Variants in ARFIP1 observed in about 807,000 individuals in gnomAD.
ARFIP1 encodes the protein ARF interacting protein 1.
In ARFIP1, 24 loss-of-function variants were observed where a neutral mutation model predicts 42.5. That is an observed-to-expected ratio of 0.57 (90% CI 0.41 to 0.80). ARFIP1 has a LOEUF of 0.80. ARFIP1 is among the 30% of genes least tolerant of loss of function. The probability of loss-of-function intolerance (pLI) is 0.00; values close to 1 mark genes in which losing one functional copy is unlikely to be tolerated. For missense variants in ARFIP1, 354 were observed against 434.0 expected, an observed-to-expected ratio of 0.82 and a Z score of 1.64; for synonymous variants, 141 against 153.7, an observed-to-expected ratio of 0.92 and a Z score of 0.61.
At chr4:152,870,887 C>G in intron 4 of ARFIP1, 39 bp downstream of exon 4, 5 of 1,486,360 alleles carry the variant, frequency 3.4e-6, no homozygotes, top group Non-Finnish European at 4.7e-6. Context: ...CTTATTGCTA[C>G]TGCTGAAGCT....
intron 1 of ARFIP1, among the ~76,000 whole-genome samples, chr4:152,802,071 T>G (rs1728466829): frequency 6.6e-6 from 1 of 152,176 alleles, no homozygotes; most frequent in Admixed American, 6.5e-5. Context: ...TAACCACTTT[T>G]CAAAGGCCAT....
At chr4:152,837,488 A>T (rs1026134165) in intron 2 of ARFIP1, among the ~76,000 whole-genome samples, 2 of 152,090 alleles carry the variant, frequency 1.3e-5, no homozygotes, top group Non-Finnish European at 2.9e-5. Context: ...GTGAGGTGAT[A>T]TTGCGTTGTG....
intron 8 of ARFIP1, among the ~76,000 whole-genome samples, chr4:152,908,891 A>AGT (rs58362465): frequency 0.068 from 9,053 of 132,408 alleles, 314 homozygotes; most frequent in African/African-American, 0.095. Context: ...GCTAGAGAGA[A>AGT]GTGTGTGTGT....
chr4:152,830,674 G>A (rs1045611654), intron 2 of ARFIP1, among the ~76,000 whole-genome samples: 11 of 152,148 alleles, frequency 7.2e-5, no homozygotes, highest in African/African-American at 2.2e-4. Flanking sequence ...GGGCCAAATT[G>A]TACTTTGTTG....
At chr4:152,784,073 AAGG>A (rs967555400) in intron 1 of ARFIP1, among the ~76,000 whole-genome samples, 4 of 152,210 alleles carry the variant, frequency 2.6e-5, no homozygotes, top group African/African-American at 9.7e-5. Flanking sequence ...AGAATGGAAG[AAGG>A]AGTAAATTAA....
intron 8 of ARFIP1, among the ~76,000 whole-genome samples, chr4:152,890,103 G>C (rs919015554): frequency 8.6e-5 from 13 of 151,312 alleles, no homozygotes; most frequent in Non-Finnish European, 4.4e-5. Flanking sequence ...TACTAAAAGA[G>C]GTATGCTAGA....
intron 8 of ARFIP1, among the ~76,000 whole-genome samples, chr4:152,908,893 TGTG>T (rs1441442530): frequency 2.5e-4 from 5 of 20,292 alleles, no homozygotes; most frequent in Non-Finnish European, 3.7e-4. Flanking sequence ...TAGAGAGAAG[TGTG>T]TGTGTGTGTG....
At chr4:152,857,194 A>G (rs1733516322) in intron 2 of ARFIP1, among the ~76,000 whole-genome samples, 1 of 152,256 alleles carries the variant, frequency 6.6e-6, no homozygotes, top group African/African-American at 2.4e-5. Flanking sequence ...TGATATTAGG[A>G]AATGAGTGAA....
chr4:152,896,686 A>G (rs1215083791), intron 8 of ARFIP1, among the ~76,000 whole-genome samples: 1 of 152,166 alleles, frequency 6.6e-6, no homozygotes, highest in African/African-American at 2.4e-5. Context: ...ATTTTGAACC[A>G]CATATATGTC....
intron 5 of ARFIP1, among the ~76,000 whole-genome samples, chr4:152,878,036 G>A (rs1238495350): frequency 6.6e-6 from 1 of 152,154 alleles, no homozygotes; most frequent in Non-Finnish European, 1.5e-5. Flanking sequence ...GTTGACTGTT[G>A]CATAAATTCA....
chr4:152,798,972 G>C (rs1731639841), intron 1 of ARFIP1, among the ~76,000 whole-genome samples: 1 of 152,206 alleles, frequency 6.6e-6, no homozygotes, highest in African/African-American at 2.4e-5. Flanking sequence ...GAAGGTCAGG[G>C]AGATCTGAGT....
rs961360793 is a variant in ARFIP1 at position 152,872,583 on chromosome 4, T to G, written c.411+19T>G. The G allele has an allele frequency of 1.1e-5, 16 of 1,451,480 alleles. No homozygotes were observed. The highest frequency in any genetic ancestry group is 9.4e-7 in the Non-Finnish European group (1 of 1,059,350). 89.9% of individuals were successfully genotyped at this position (1,451,480 alleles called of 1,614,324 possible). A position where few individuals can be genotyped will look rare whatever the true frequency, so the allele number is the denominator to read the frequency against. On this transcript the variant is annotated intron_variant, in intron 5 of 8. Transcript: ENST00000353617. ...CTATAAGGTTTGTAATTATTTAATG[T>G]TTCCACCCTAAATGGCTCTAAAAAA...
At chr4:152,909,325 C>T (rs922680729) in intron 8 of ARFIP1, among the ~76,000 whole-genome samples, 2 of 152,152 alleles carry the variant, frequency 1.3e-5, no homozygotes, top group African/African-American at 4.8e-5. Context: ...GCAGAGGTTG[C>T]AGTGAGCCAA....
At chr4:152,832,715 A>G (rs796176914) in intron 2 of ARFIP1, among the ~76,000 whole-genome samples, 16 of 152,318 alleles carry the variant, frequency 1.1e-4, no homozygotes, top group African/African-American at 3.1e-4. Flanking sequence ...TTTTCACACT[A>G]TGGTCTGTGA....
At chr4:152,886,022 T>C (rs1468478123) in intron 7 of ARFIP1, among the ~76,000 whole-genome samples, 1 of 151,702 alleles carries the variant, frequency 6.6e-6, no homozygotes, top group Non-Finnish European at 1.5e-5. Flanking sequence ...GGCAGAGAGG[T>C]CATTCAGCTT....
At chr4:152,792,404 A>G (rs1362073819) in intron 1 of ARFIP1, among the ~76,000 whole-genome samples, 1 of 152,178 alleles carries the variant, frequency 6.6e-6, no homozygotes. Context: ...TTCTATATTT[A>G]GTGAAAAATA....
chr4:152,820,120 G>T (rs1336619355), intron 1 of ARFIP1, among the ~76,000 whole-genome samples: 1 of 152,068 alleles, frequency 6.6e-6, no homozygotes, highest in East Asian at 1.9e-4. Flanking sequence ...AAGAAGAGCT[G>T]TGGTGGCCCC....
At chr4:152,817,575 G>A (rs1161083564) in intron 1 of ARFIP1, among the ~76,000 whole-genome samples, 2 of 152,130 alleles carry the variant, frequency 1.3e-5, no homozygotes, top group African/African-American at 4.8e-5. Context: ...TGAAACCAAA[G>A]CACAAGCAAC....
At chr4:152,819,281 A>G (rs1310176155) in intron 1 of ARFIP1, among the ~76,000 whole-genome samples, 5 of 152,176 alleles carry the variant, frequency 3.3e-5, no homozygotes, top group Admixed American at 1.3e-4. Flanking sequence ...CATGACCTCA[A>G]CTATTGCCAT....
Sources: allele counts gnomAD v4.1 joint callset (sites outside exome capture counted in the v4.1 genomes callset), GRCh38; gene constraint gnomAD v4.1.1; transcripts MANE v1.5; gene names NCBI Gene and HGNC (gene_info 2026-07-23, HGNC 2026-07-21).